The following ARPC4 variants were observed in gnomAD, a reference collection of about 807,000 sequenced individuals.
The protein encoded by ARPC4 is actin-related protein 2/3 complex subunit 4.
In ARPC4, 3 loss-of-function variants were observed where a neutral mutation model predicts 22.8. That is an observed-to-expected ratio of 0.13 (90% CI 0.06 to 0.34). The LOEUF (loss-of-function observed/expected upper bound fraction) is 0.34. Among genes scored for constraint, ARPC4 ranks in the 10% least tolerant of loss-of-function variants. The pLI is 1.00. For synonymous variants in ARPC4, 80 were observed against 72.5 expected (o/e 1.10, Z -0.52); for missense variants, 98 against 211.0 (o/e 0.46, Z 3.32).
chr3:9,800,312 AG>A lies in ARPC4; in HGVS notation c.234+18del. On this transcript the variant is annotated intron_variant, in intron 3 of 5. Coordinates refer to ENST00000397261, the MANE Select transcript of ARPC4 (RefSeq NM_005718.5). The stretch of plus-strand genomic sequence containing the variant: ...TGTGAAACAGGTAAGTTCACCATGG[AG>A]GAGGCCCAACGTAAGGCCTCTTTCA... 6.2e-7 allele frequency: 1 copy of A among 1,613,480 alleles called. No homozygotes were observed. Among genetic ancestry groups the A allele is most frequent in the Non-Finnish European group, 8.5e-7 (1 of 1,179,610 alleles).
chr3:9,795,526 C>G (rs918159718), intron 1 of ARPC4, among the ~76,000 whole-genome samples: 1 of 152,188 alleles, frequency 6.6e-6, no homozygotes, highest in African/African-American at 2.4e-5. Flanking sequence ...TCCCCATGAT[C>G]TTACCTCAGC....
In ARPC4 at chr3:9,793,103, G is replaced by C; in HGVS notation, c.-19G>C. On this transcript the variant is annotated 5_prime_UTR_variant, in exon 1 of 6. Transcript: ENST00000397261. ...GGCCACTTCCGTACTTCCGCTTTCCGGCCCAGCCAGCGCCCGCGATGGTGA... is the reference window on the plus strand; with the variant it reads ...GGCCACTTCCGTACTTCCGCTTTCCCGCCCAGCCAGCGCCCGCGATGGTGA... 2 of 1,544,362 alleles carry C rather than the reference G, an allele frequency of 1.3e-6. No individual in the cohort carries two copies. The highest frequency in any genetic ancestry group is 8.7e-7 in the Non-Finnish European group (1 of 1,144,386).
chr3:9,796,873 G>A (rs2078903797), intron 1 of ARPC4, among the ~76,000 whole-genome samples: 1 of 150,726 alleles, frequency 6.6e-6, no homozygotes, highest in African/African-American at 2.4e-5. Context: ...CCCGGGAGGT[G>A]GAGCTTGCAG....
chr3:9,803,320 ATG>A (rs1255192568), intron 4 of ARPC4, among the ~76,000 whole-genome samples: 12 of 152,244 alleles, frequency 7.9e-5, no homozygotes, highest in Non-Finnish European at 1.3e-4. Flanking sequence ...ACACAGCAGC[ATG>A]TGCCATCATC....
chr3:9,793,205 C>T (rs759036588), intron 1 of ARPC4, 81 bp downstream of exon 1: 26 of 1,492,318 alleles, frequency 1.7e-5, no homozygotes, highest in Non-Finnish European at 2.2e-5. Context: ...GTGGCTTTGC[C>T]GCAGGGGCGC....
chr3:9,793,237 G>A (rs893046772), intron 1 of ARPC4, 113 bp downstream of exon 1: 5 of 1,451,718 alleles, frequency 3.4e-6, no homozygotes, highest in Non-Finnish European at 4.6e-6. Flanking sequence ...ATGTCCGGGG[G>A]TTGTGGGGAC....
chr3:9,803,783 A>G (rs1372427375), intron 4 of ARPC4, 60 bp from the exon 5 acceptor site: 4 of 1,548,706 alleles, frequency 2.6e-6, no homozygotes, highest in East Asian at 2.3e-5. Flanking sequence ...CTCAGTTCCC[A>G]TGGGGTGCTA....
At chr3:9,802,094 C>G (rs945038782) in intron 4 of ARPC4, among the ~76,000 whole-genome samples, 2 of 151,558 alleles carry the variant, frequency 1.3e-5, no homozygotes, top group Non-Finnish European at 2.9e-5. Flanking sequence ...CAAAAATTAG[C>G]TGGGCATGGT....
chr3:9,802,379 T>TC (rs1469766194), intron 4 of ARPC4, among the ~76,000 whole-genome samples: 6 of 18,402 alleles, frequency 3.3e-4, no homozygotes, highest in Non-Finnish European at 9.7e-4. Flanking sequence ...TCTCTCTCTC[T>TC]TTTTTTTTTT....
chr3:9,801,212 G>GAAAAAAAAAAAAAAAAAA (rs745696982), intron 3 of ARPC4, among the ~76,000 whole-genome samples: 1 of 66,428 alleles, frequency 1.5e-5, no homozygotes, highest in African/African-American at 5.5e-5. Flanking sequence ...TTCCATCTCA[G>GAAAAAAAAAAAAAAAAAA]AAAAAAAAAA....
intron 1 of ARPC4, among the ~76,000 whole-genome samples, chr3:9,796,912 G>C (rs1332457962): frequency 7.4e-6 from 1 of 134,998 alleles, no homozygotes; most frequent in Non-Finnish European, 1.5e-5. Flanking sequence ...CCGCGCTCCA[G>C]CCTGGGCAAC....
At chr3:9,792,913 T>G (rs1428093396), upstream of ARPC4, 10 of 1,392,058 alleles carry the variant, frequency 7.2e-6, no homozygotes, top group South Asian at 7.9e-5. Context: ...GTGACTCGAG[T>G]GCAAGAATTT....
chr3:9,793,096 G>A lies in ARPC4; in HGVS notation c.-26G>A, dbSNP rs941498747. ...CGGGGCTGGCCACTTCCGTACTTCC[G>A]CTTTCCGGCCCAGCCAGCGCCCGCG... On this transcript the variant is annotated 5_prime_UTR_variant, in exon 1 of 6. Coordinates refer to ENST00000397261, the MANE Select transcript of ARPC4 (RefSeq NM_005718.5). 1.3e-6 allele frequency: 2 copies of A among 1,544,994 alleles called. No individual in the cohort carries two copies. Among genetic ancestry groups the A allele is most frequent in the African/African-American group, 1.4e-5 (1 of 72,808 alleles).
intron 2 of ARPC4, chr3:9,799,946 C>T: frequency 1.6e-6 from 1 of 629,276 alleles, no homozygotes; most frequent in Non-Finnish European, 2.9e-6. Flanking sequence ...AACAGGGTAA[C>T]TTGCCCAAGG....
intron 1 of ARPC4, among the ~76,000 whole-genome samples, chr3:9,794,542 C>T (rs754703316): frequency 2.6e-5 from 4 of 152,040 alleles, no homozygotes; most frequent in Non-Finnish European, 5.9e-5. Flanking sequence ...TGGTGGCATG[C>T]GCCTGTAGTA....
chr3:9,793,109 G>GC lies in ARPC4; in HGVS notation c.-11dup. ...TTCCGTACTTCCGCTTTCCGGCCCA[G>GC]CCAGCGCCCGCGATGGTGAGAGAGC... On this transcript the variant is annotated 5_prime_UTR_variant, in exon 1 of 6. Coordinates refer to ENST00000397261, the MANE Select transcript of ARPC4 (RefSeq NM_005718.5). 6.5e-7 allele frequency: 1 copy of GC among 1,544,056 alleles called. No homozygotes were observed. The highest frequency in any genetic ancestry group is 8.7e-7 in the Non-Finnish European group (1 of 1,144,250).
intron 3 of ARPC4, 97 bp downstream of exon 3, chr3:9,800,393 A>G: frequency 1.7e-6 from 2 of 1,159,358 alleles, no homozygotes; most frequent in South Asian, 1.4e-5. Flanking sequence ...AGTGTGCCAG[A>G]TTCCAGATTC....
intron 1 of ARPC4, among the ~76,000 whole-genome samples, chr3:9,795,583 C>T (rs571207078): frequency 6.6e-6 from 1 of 152,302 alleles, no homozygotes; most frequent in East Asian, 1.9e-4. Flanking sequence ...TTCTCATATA[C>T]AGAAACATTG....
At chr3:9,806,099 C>T in intron 5 of ARPC4, 111 bp from the exon 6 acceptor site, 2 of 1,284,194 alleles carry the variant, frequency 1.6e-6, no homozygotes, top group Non-Finnish European at 2.3e-6. Context: ...CAACTCTGCC[C>T]CTCACAGATA....
Sources: gnomAD v4.1 joint callset for allele counts (sites outside exome capture counted in the v4.1 genomes callset) on GRCh38, gnomAD v4.1.1 for gene constraint, MANE v1.5 for transcripts, NCBI Gene and HGNC (gene_info 2026-07-23, HGNC 2026-07-21) for gene names.